Variants in ST6GAL1 observed in about 807,000 individuals in gnomAD.
ST6GAL1 encodes the protein beta-galactoside alpha-2,6-sialyltransferase 1.
Under a neutral mutation model 38.0 loss-of-function variants are expected in ST6GAL1, and 20 were observed. That is an observed-to-expected ratio of 0.53 (90% CI 0.37 to 0.77). The LOEUF is 0.77. Among genes scored for constraint, ST6GAL1 ranks in the 30% least tolerant of loss-of-function variants. The pLI is 0.00. For missense variants in ST6GAL1, 432 were observed against 496.4 expected, an observed-to-expected ratio of 0.87 and a Z score of 1.23; for synonymous variants, 196 against 188.2, an observed-to-expected ratio of 1.04 and a Z score of -0.34.
intron 2 of ST6GAL1, among the ~76,000 whole-genome samples, chr3:186,986,014 T>G (rs1462537063): frequency 6.6e-6 from 1 of 152,144 alleles, no homozygotes; most frequent in African/African-American, 2.4e-5. Context: ...TGGAAAGGAC[T>G]CTTTAGATTT....
chr3:186,962,004 C>T (rs1251854782), intron 1 of ST6GAL1, among the ~76,000 whole-genome samples: 4 of 152,180 alleles, frequency 2.6e-5, no homozygotes, highest in African/African-American at 9.7e-5. Flanking sequence ...CTCTCATTTC[C>T]CCACAGTGAC....
intron 5 of ST6GAL1, among the ~76,000 whole-genome samples, chr3:187,061,409 C>T (rs1023412044): frequency 2.6e-5 from 4 of 152,076 alleles, no homozygotes; most frequent in African/African-American, 9.7e-5. Context: ...TCAAGGGACC[C>T]CGATTAACCA....
At chr3:186,953,177 G>C (rs1425906483) in intron 1 of ST6GAL1, among the ~76,000 whole-genome samples, 4 of 152,128 alleles carry the variant, frequency 2.6e-5, no homozygotes, top group African/African-American at 7.2e-5. Flanking sequence ...AAAAGCTGTA[G>C]TGATGTGTCA....
Position 187,075,414 on chromosome 3 carries a change from A to C in ST6GAL1, c.980-148A>C. 1 of 1,263,808 alleles carries C rather than the reference A, an allele frequency of 7.9e-7. No individual in the cohort carries two copies. The highest frequency in any genetic ancestry group is 2.4e-5 in the East Asian group (1 of 42,074). The allele number at this position is 1,263,808 out of a possible 1,614,324, so 78.3% of individuals were successfully genotyped here. A position where few individuals can be genotyped will look rare whatever the true frequency, so the allele number is the denominator to read the frequency against. On this transcript the variant is annotated intron_variant, in intron 7 of 7. Coordinates refer to ENST00000169298, the MANE Select transcript of ST6GAL1 (RefSeq NM_173216.2). This position sits in a 1 kb window ranked among gnomAD's most constrained non-coding sequence, Gnocchi z 4.1. ...ACACTGCTGGGCTTGGCTTGCTGAAACTTAGATTGGGAATCACAGTCATAA... is the reference window on the plus strand; with the variant it reads ...ACACTGCTGGGCTTGGCTTGCTGAACCTTAGATTGGGAATCACAGTCATAA...
chr3:186,931,241 A>G (rs1197494743), intron 1 of ST6GAL1: 2 of 141,442 alleles, frequency 1.4e-5, no homozygotes, highest in African/African-American at 2.6e-5. Flanking sequence ...CACAGGCACC[A>G]TAACAAACGC....
chr3:186,972,750 ACAT>A (rs1715392959), intron 2 of ST6GAL1, among the ~76,000 whole-genome samples: 1 of 152,172 alleles, frequency 6.6e-6, no homozygotes, highest in Non-Finnish European at 1.5e-5. Flanking sequence ...GGGGTAAGGC[ACAT>A]ACTCCCTGTT....
At chr3:186,963,307 C>T (rs1009382691) in intron 1 of ST6GAL1, among the ~76,000 whole-genome samples, 1 of 152,182 alleles carries the variant, frequency 6.6e-6, no homozygotes, top group African/African-American at 2.4e-5. Context: ...TCACTGCAAC[C>T]TCCGCCTCCC....
rs1371577086 is a variant in ST6GAL1 at position 187,075,020 on chromosome 3, C to T, written c.980-542C>T. Among the ~76,000 whole-genome samples, 1 of 152,180 alleles carries T rather than the reference C, an allele frequency of 6.6e-6. No individual in the cohort carries two copies. Among genetic ancestry groups the T allele is most frequent in the Non-Finnish European group, 1.5e-5 (1 of 68,028 alleles). On this transcript the variant is annotated intron_variant, in intron 7 of 7. Coordinates refer to ENST00000169298, the MANE Select transcript of ST6GAL1 (RefSeq NM_173216.2). This position sits in a 1 kb window ranked among gnomAD's most constrained non-coding sequence, Gnocchi z 4.1. ...TTTTCTCTACATCTCATCATTCAGA[C>T]TGTGGAGTGCTCCTGTTCCAGCTGT...
At chr3:186,933,506 C>T (rs941909592) in intron 1 of ST6GAL1, among the ~76,000 whole-genome samples, 9 of 152,310 alleles carry the variant, frequency 5.9e-5, no homozygotes, top group Admixed American at 2.0e-4. Flanking sequence ...CATGGCCGAG[C>T]GAGCACAGGT....
chr3:187,073,951 A>T (rs1013979220), intron 6 of ST6GAL1: 1 of 407,746 alleles, frequency 2.5e-6, no homozygotes, highest in Non-Finnish European at 4.3e-6. Context: ...CCCAAAGCAC[A>T]GGCTATAGGC....
intron 2 of ST6GAL1, among the ~76,000 whole-genome samples, chr3:186,969,328 C>T (rs1715262670): frequency 6.6e-6 from 1 of 152,182 alleles, no homozygotes; most frequent in Non-Finnish European, 1.5e-5. Flanking sequence ...GCTGGGATTA[C>T]AGGCGTGAGC....
intron 2 of ST6GAL1, among the ~76,000 whole-genome samples, chr3:187,024,044 G>GTA (rs909599912): frequency 5.3e-5 from 8 of 151,444 alleles, no homozygotes; most frequent in East Asian, 1.9e-4. Context: ...ATCCTTTTGG[G>GTA]TATATATATA....
intron 2 of ST6GAL1, among the ~76,000 whole-genome samples, chr3:187,013,881 G>A (rs1241404103): frequency 2.0e-5 from 3 of 152,124 alleles, no homozygotes; most frequent in Non-Finnish European, 2.9e-5. Context: ...CACCGCACCC[G>A]GCCGCAAATA....
chr3:187,040,010 T>A (rs1462105775), intron 3 of ST6GAL1, among the ~76,000 whole-genome samples: 1 of 152,244 alleles, frequency 6.6e-6, no homozygotes, highest in African/African-American at 2.4e-5. Context: ...GAGTAGGTAC[T>A]GGGCAGCTGC....
chr3:187,075,475 G>T lies in ST6GAL1; in HGVS notation c.980-87G>T. 1 of 1,543,700 alleles carries T rather than the reference G, an allele frequency of 6.5e-7. No homozygotes were observed. The highest frequency in any genetic ancestry group is 8.7e-7 in the Non-Finnish European group (1 of 1,143,500). On this transcript the variant is annotated intron_variant, in intron 7 of 7. Transcript: ENST00000169298. This position sits in a 1 kb window ranked among gnomAD's most constrained non-coding sequence, Gnocchi z 4.1. ...CAGAGGGAAAGCTCTCCAAATTTGG[G>T]GTCATGAGCTGCTGAACCCACTGGG...
rs1307520905 is a variant in ST6GAL1, at chr3:187,077,520, A to G, written c.*1717A>G. On this transcript the variant is annotated 3_prime_UTR_variant, in exon 8 of 8. Transcript: ENST00000169298. ...CTTATGTAGCTAGAAAGGGCCCTGG[A>G]GTGAGAAAGCCTGGATTTTCAAATT... 1.3e-5 allele frequency: 2 copies of G among 152,334 alleles called. No individual in the cohort carries two copies. The highest frequency in any genetic ancestry group is 2.9e-5 in the Non-Finnish European group (2 of 68,166). 9.4% of individuals were successfully genotyped at this position (152,334 alleles called of 1,614,324 possible).
intron 1 of ST6GAL1, among the ~76,000 whole-genome samples, chr3:186,945,671 A>T (rs2108517697): frequency 6.6e-6 from 1 of 152,194 alleles, no homozygotes; most frequent in East Asian, 1.9e-4. Flanking sequence ...AGGAGATGTT[A>T]AGTGCTAACT....
intron 1 of ST6GAL1, among the ~76,000 whole-genome samples, chr3:186,945,587 G>C (rs1714329870): frequency 6.6e-6 from 1 of 152,184 alleles, no homozygotes; most frequent in Non-Finnish European, 1.5e-5. Context: ...GCAGGGATGG[G>C]CAGTGAGGAC....
At chr3:187,063,722 T>C (rs754670938) in intron 5 of ST6GAL1, among the ~76,000 whole-genome samples, 1 of 151,990 alleles carries the variant, frequency 6.6e-6, no homozygotes, top group Admixed American at 6.5e-5. Flanking sequence ...CTGCAAAGAT[T>C]TGAAACTGTA....
Sources: allele counts gnomAD v4.1 joint callset (sites outside exome capture counted in the v4.1 genomes callset), GRCh38; gene constraint gnomAD v4.1.1; non-coding constraint Gnocchi (gnomAD v3.1); transcripts MANE v1.5; gene names NCBI Gene and HGNC (gene_info 2026-07-23, HGNC 2026-07-21).